The following LARP4 variants were observed in gnomAD, a reference collection of about 807,000 sequenced individuals.
LARP4 encodes la-related protein 4.
Under a neutral mutation model 92.9 loss-of-function variants are expected in LARP4, and 29 were observed. That is an observed-to-expected ratio of 0.31 (90% CI 0.23 to 0.43). The LOEUF (loss-of-function observed/expected upper bound fraction) is 0.43, where lower values mean the gene tolerates loss of function less well. Among genes scored for constraint, LARP4 ranks in the 20% least tolerant of loss-of-function variants. The probability of loss-of-function intolerance (pLI) is 1.00; values close to 1 mark genes in which losing one functional copy is unlikely to be tolerated. For missense variants in LARP4, 732 were observed against 860.0 expected (o/e 0.85, Z 1.86); for synonymous variants, 279 against 284.1 (o/e 0.98, Z 0.18).
chr12:50,461,435 A>C, intron 11 of LARP4, 88 bp downstream of exon 11: 26 of 1,187,102 alleles, frequency 2.2e-5, no homozygotes, highest in Non-Finnish European at 3.1e-5. Context: ...TAATTAAATG[A>C]GCATTTAATT....
At chr12:50,435,764 T>G (rs1304956887) in intron 5 of LARP4, 140 bp downstream of exon 5, 3 of 658,490 alleles carry the variant, frequency 4.6e-6, no homozygotes, top group Non-Finnish European at 7.5e-6. Flanking sequence ...TTCTCTCTCT[T>G]TGTTTTTTTT....
At chr12:50,451,452 C>G (rs192804998) in intron 8 of LARP4, among the ~76,000 whole-genome samples, 2 of 152,280 alleles carry the variant, frequency 1.3e-5, no homozygotes, top group Non-Finnish European at 2.9e-5. Flanking sequence ...AATCTCAGCA[C>G]TTTGGGAGGC....
At chr12:50,415,220 T>C (rs1157589243) in intron 1 of LARP4, among the ~76,000 whole-genome samples, 1 of 151,966 alleles carries the variant, frequency 6.6e-6, no homozygotes, top group Non-Finnish European at 1.5e-5. Flanking sequence ...AATAAATGAA[T>C]GAATAAAATA....
At chr12:50,416,490 AC>A (rs1946814501) in intron 1 of LARP4, 1 of 152,188 alleles carries the variant, frequency 6.6e-6, no homozygotes, top group Admixed American at 6.6e-5. Flanking sequence ...ACATGGTGAA[AC>A]CCCGTCTGTA....
At chr12:50,412,415 G>T (rs750407015) in intron 1 of LARP4, 111 of 976,704 alleles carry the variant, frequency 1.1e-4, no homozygotes, top group Non-Finnish European at 1.3e-4. Context: ...CATTTATGGG[G>T]TTAAGTGGCA....
intron 1 of LARP4, among the ~76,000 whole-genome samples, chr12:50,413,266 T>G (rs1946227560): frequency 6.6e-6 from 1 of 151,574 alleles, no homozygotes; most frequent in African/African-American, 2.4e-5. Flanking sequence ...AATGAAAAGA[T>G]AGATTTTATT....
In LARP4 at chr12:50,479,776, T is replaced by G. The variant is rs1001324712; in HGVS notation, c.*3912T>G. Reference sequence around the variant, plus strand: ...ACCTAATTCAGGTGTCCTTTGCATCTCTTAAATGTTGGGGGTGGGGGTCAG... The same window carrying G: ...ACCTAATTCAGGTGTCCTTTGCATCGCTTAAATGTTGGGGGTGGGGGTCAG... On this transcript the variant is annotated 3_prime_UTR_variant, in exon 16 of 16. Coordinates refer to ENST00000398473, the MANE Select transcript of LARP4 (RefSeq NM_052879.5). The G allele has an allele frequency of 2.6e-5, 4 of 152,190 alleles. No individual in the cohort carries two copies. Among genetic ancestry groups the G allele is most frequent in the Admixed American group, 6.6e-5 (1 of 15,266 alleles). 9.4% of individuals were successfully genotyped at this position (152,190 alleles called of 1,614,324 possible). A position where few individuals can be genotyped will look rare whatever the true frequency, so the allele number is the denominator to read the frequency against.
intron 1 of LARP4, among the ~76,000 whole-genome samples, chr12:50,406,207 T>C (rs1270998981): frequency 1.3e-5 from 2 of 152,190 alleles, no homozygotes; most frequent in Non-Finnish European, 2.9e-5. Context: ...ACGTGTCTCA[T>C]GCCTGTAATC....
chr12:50,401,085 C>G (rs542983607), intron 1 of LARP4, 57 bp downstream of exon 1: 1 of 1,596,430 alleles, frequency 6.3e-7, no homozygotes, highest in East Asian at 2.2e-5. Context: ...TGTAGAGGCG[C>G]CGGCCGGTCC....
chr12:50,426,687 GTGTGTGTGTGTGT>G (rs1948777338), intron 1 of LARP4, among the ~76,000 whole-genome samples: 5 of 81,032 alleles, frequency 6.2e-5, no homozygotes, highest in South Asian at 4.5e-4. Context: ...TGTTTGGGGT[GTGTGTGTGTGTGT>G]GTGTGTGTGT....
chr12:50,475,954 C>T lies in LARP4; in HGVS notation c.*90C>T, dbSNP rs1957504722. 2 of 1,084,700 alleles carry T rather than the reference C, an allele frequency of 1.8e-6. No homozygotes were observed. Among genetic ancestry groups the T allele is most frequent in the South Asian group, 1.7e-5 (1 of 59,910 alleles). 67.2% of individuals were successfully genotyped at this position (1,084,700 alleles called of 1,614,324 possible). A position where few individuals can be genotyped will look rare whatever the true frequency, so the allele number is the denominator to read the frequency against. ...AACTGTTTTGGAGGGGAGGGGGTAG[C>T]CAGGAAGGAAACAAGAGAAAGTACG... On this transcript the variant is annotated 3_prime_UTR_variant, in exon 16 of 16. Transcript: ENST00000398473.
chr12:50,411,569 T>C (rs1200402033), intron 1 of LARP4, among the ~76,000 whole-genome samples: 1 of 152,028 alleles, frequency 6.6e-6, no homozygotes, highest in Non-Finnish European at 1.5e-5. Flanking sequence ...ACTCGGGTGA[T>C]TCGCCTGCCT....
At chr12:50,449,860 G>A (rs1470934803) in intron 8 of LARP4, among the ~76,000 whole-genome samples, 1 of 141,146 alleles carries the variant, frequency 7.1e-6, no homozygotes, top group Non-Finnish European at 1.5e-5. Context: ...GGTGTTTACT[G>A]TTCGTGTTGA....
chr12:50,443,748 G>T (rs747615299), intron 8 of LARP4, among the ~76,000 whole-genome samples: 17 of 152,084 alleles, frequency 1.1e-4, no homozygotes, highest in Non-Finnish European at 2.4e-4. Context: ...CGTAGCTGGG[G>T]TTACAGGTGC....
At chr12:50,455,087 AG>A (rs1831168342) in intron 10 of LARP4, 1 of 152,240 alleles carries the variant, frequency 6.6e-6, no homozygotes, top group African/African-American at 2.4e-5. Flanking sequence ...CCGCACTTAA[AG>A]CACTATGTTC....
At chr12:50,464,098 T>G (rs1026307731) in intron 12 of LARP4, among the ~76,000 whole-genome samples, 1 of 152,206 alleles carries the variant, frequency 6.6e-6, no homozygotes, top group South Asian at 2.1e-4. Context: ...TCAGTTATCT[T>G]TATAGCAGTG....
chr12:50,442,284 A>G (rs1452233731), intron 8 of LARP4, among the ~76,000 whole-genome samples: 1 of 152,214 alleles, frequency 6.6e-6, no homozygotes, highest in Non-Finnish European at 1.5e-5. Flanking sequence ...TTTCAACCTC[A>G]TCTCAATTAA....
chr12:50,416,831 GC>G (rs749521039), intron 1 of LARP4, among the ~76,000 whole-genome samples: 9 of 152,012 alleles, frequency 5.9e-5, no homozygotes, highest in Admixed American at 3.3e-4. Flanking sequence ...GCAAAAATTT[GC>G]CAGGTGTGGT....
At chr12:50,468,305 T>C (rs375045521) in intron 13 of LARP4, among the ~76,000 whole-genome samples, 1 of 139,796 alleles carries the variant, frequency 7.2e-6, no homozygotes, top group Admixed American at 7.4e-5. Context: ...TTTTTTTTTC[T>C]TTTTTTTGAG....
Sources: allele counts gnomAD v4.1 joint callset (sites outside exome capture counted in the v4.1 genomes callset), GRCh38; gene constraint gnomAD v4.1.1; transcripts MANE v1.5; gene names NCBI Gene and HGNC (gene_info 2026-07-23, HGNC 2026-07-21).